ACSM2B: variants seen among roughly 807,000 people sequenced by gnomAD.
The protein encoded by ACSM2B is acyl-CoA synthetase medium chain family member 2B.
ACSM2B carries 58 observed loss-of-function variants against 78.6 expected under a neutral mutation model. The ratio of observed to expected loss-of-function variants is 0.74; its 90% CI spans 0.60 to 0.92. The LOEUF (loss-of-function observed/expected upper bound fraction) is 0.92. Among genes scored for constraint, ACSM2B ranks in the 40% least tolerant of loss-of-function variants. The probability of loss-of-function intolerance (pLI) is 0.00; values close to 1 mark genes in which losing one functional copy is unlikely to be tolerated. For missense variants in ACSM2B, 688 were observed against 711.2 expected (o/e 0.97, Z 0.37); for synonymous variants, 257 against 256.8 (o/e 1.00, Z -0.01).
At chr16:20,571,425 C>A (rs917884071) in intron 1 of ACSM2B, among the ~76,000 whole-genome samples, 33 of 151,916 alleles carry the variant, frequency 2.2e-4, no homozygotes, top group African/African-American at 7.5e-4. Context: ...CCAAGGTGGT[C>A]TGAGAGAGTA....
At chr16:20,566,645 C>CTATATATAGTATATA (rs375962180) in intron 1 of ACSM2B, among the ~76,000 whole-genome samples, 2 of 11,604 alleles carry the variant, frequency 1.7e-4, no homozygotes, top group African/African-American at 6.9e-4. Context: ...TATATATATA[C>CTATATATAGTATATA]TATACTATAT....
chr16:20,544,074 G>A (rs1349897719), intron 10 of ACSM2B, among the ~76,000 whole-genome samples: 3 of 152,172 alleles, frequency 2.0e-5, no homozygotes. Context: ...CCCCACAGAC[G>A]CTTCTGAGTC....
At chr16:20,556,803 C>G (rs993489186) in intron 3 of ACSM2B, among the ~76,000 whole-genome samples, 1 of 152,086 alleles carries the variant, frequency 6.6e-6, no homozygotes, top group Non-Finnish European at 1.5e-5. Context: ...GAGACAGACA[C>G]AGAACAGTAG....
chr16:20,571,505 G>C (rs1171767612), intron 1 of ACSM2B, among the ~76,000 whole-genome samples: 2 of 150,982 alleles, frequency 1.3e-5, no homozygotes, highest in Non-Finnish European at 3.0e-5. Context: ...GTCTATCTTG[G>C]AGAAAGTTCC....
At chr16:20,552,973 T>C (rs1349086657) in intron 5 of ACSM2B, among the ~76,000 whole-genome samples, 1 of 152,122 alleles carries the variant, frequency 6.6e-6, no homozygotes, top group Non-Finnish European at 1.5e-5. Context: ...CTGCAAAAAA[T>C]GAGACCACTA....
chr16:20,551,465 T>A (rs550245836), intron 6 of ACSM2B, among the ~76,000 whole-genome samples: 1 of 152,046 alleles, frequency 6.6e-6, no homozygotes, highest in South Asian at 2.1e-4. Context: ...CTCAACCATG[T>A]GAGAATATAG....
At chr16:20,567,796 T>C (rs2015971643) in intron 1 of ACSM2B, among the ~76,000 whole-genome samples, 1 of 140,754 alleles carries the variant, frequency 7.1e-6, no homozygotes, top group Admixed American at 7.7e-5. Flanking sequence ...ATATATATGA[T>C]ATATAATAGT....
At position 20,552,193 on chromosome 16, in the gene ACSM2B, C is replaced by T; in HGVS notation, c.845G>A (p.Cys282Tyr). Residue 282 changes from cysteine to tyrosine, a missense_variant, in exon 6 of 14, where the codon TGC becomes TAC. By Grantham distance (194) the Cys-to-Tyr change is radical. Transcript: ENST00000329697. The part of the protein sequence containing the change: ...SLLESWTLGA[C>Y]TFVHLLPKFD... Reference sequence around the variant, plus strand: ...CTTTGGCAAGAGATGAACAAATGTGCATGCTCCTAATGTCCAAGATTCCAA... The same window carrying T: ...CTTTGGCAAGAGATGAACAAATGTGTATGCTCCTAATGTCCAAGATTCCAA... 1 of 1,613,818 alleles carries T rather than the reference C, an allele frequency of 6.2e-7. No homozygotes were observed. Among genetic ancestry groups the T allele is most frequent in the Non-Finnish European group, 8.5e-7 (1 of 1,179,808 alleles).
At chr16:20,566,761 A>ATATATAC (rs1420208311) in intron 1 of ACSM2B, among the ~76,000 whole-genome samples, 6 of 88,226 alleles carry the variant, frequency 6.8e-5, no homozygotes, top group African/African-American at 2.9e-4. Context: ...TATATATAGT[A>ATATATAC]TATATAGATA....
At chr16:20,571,076 G>T (rs866468464) in intron 1 of ACSM2B, among the ~76,000 whole-genome samples, 1 of 151,468 alleles carries the variant, frequency 6.6e-6, no homozygotes, top group East Asian at 1.9e-4. Flanking sequence ...ATTTAGTTCT[G>T]CTCTGATCTT....
chr16:20,550,054 G>A (rs2015259823), intron 6 of ACSM2B, among the ~76,000 whole-genome samples: 1 of 152,068 alleles, frequency 6.6e-6, no homozygotes, highest in Non-Finnish European at 1.5e-5. Context: ...AAGGTATAAT[G>A]AGGCATGTCC....
intron 1 of ACSM2B, among the ~76,000 whole-genome samples, chr16:20,571,363 T>A (rs548658386): frequency 5.3e-5 from 8 of 151,184 alleles, no homozygotes; most frequent in African/African-American, 1.7e-4. Flanking sequence ...TTAATTTCCA[T>A]GTATTCATGT....
chr16:20,553,347 G>A lies in ACSM2B; in HGVS notation c.740+430C>T, dbSNP rs544600671. 5.9e-5 allele frequency among the ~76,000 whole-genome samples: 9 copies of A among 152,270 alleles called. No homozygotes were observed. In the South Asian group the frequency reaches 1.9e-3, roughly 32 times the overall value. On this transcript the variant is annotated intron_variant, in intron 5 of 13. Transcript: ENST00000329697. ...ATGGGGTCTGTGATCCAGAAATCCT[G>A]AGATCTTTGTTCACAAATTTATCCA...
chr16:20,570,492 T>C (rs992948785), intron 1 of ACSM2B, among the ~76,000 whole-genome samples: 15 of 152,042 alleles, frequency 9.9e-5, no homozygotes, highest in African/African-American at 3.4e-4. Flanking sequence ...TTTGCATCTA[T>C]GTTCATCAAG....
intron 6 of ACSM2B, among the ~76,000 whole-genome samples, chr16:20,551,852 A>G (rs146543701): frequency 6.6e-6 from 1 of 152,334 alleles, no homozygotes; most frequent in African/African-American, 2.4e-5. Flanking sequence ...ACCAGCATCT[A>G]TCTGATAGGT....
At chr16:20,551,820 T>G (rs1334122343) in intron 6 of ACSM2B, among the ~76,000 whole-genome samples, 1 of 152,084 alleles carries the variant, frequency 6.6e-6, no homozygotes, top group Non-Finnish European at 1.5e-5. Flanking sequence ...AATACTCCAG[T>G]TTTCCCTTTT....
At chr16:20,575,289 T>C (rs1238952198) in intron 1 of ACSM2B, 1 of 151,852 alleles carries the variant, frequency 6.6e-6, no homozygotes, top group Non-Finnish European at 1.5e-5. Flanking sequence ...TATAAACTCA[T>C]ATGTATAAGT....
Position 20,552,272 on chromosome 16 carries a change from T to C in ACSM2B, c.766A>G (p.Ile256Val). ...AGWTGLQASDIMWTISDTGWI... is the reference protein window; with the variant it reads ...AGWTGLQASDVMWTISDTGWI... ...CCTGTGTCTGATATGGTCCACATTA[T>C]ATCAGAGGCTTGCAGGCCTGTCCAA... The change falls in exon 6 of 14, where the codon ATA becomes GTA. Residue 256 changes from isoleucine (I) to valine (V), a missense_variant. Ile to Val is a conservative substitution (Grantham distance 29). Transcript: ENST00000329697. The C allele has an allele frequency of 6.2e-7, 1 of 1,613,036 alleles. No individual in the cohort carries two copies. The highest frequency in any genetic ancestry group is 1.3e-5 in the African/African-American group (1 of 74,964).
At chr16:20,564,087 T>C (rs894110421) in intron 2 of ACSM2B, among the ~76,000 whole-genome samples, 1 of 151,924 alleles carries the variant, frequency 6.6e-6, no homozygotes, top group Non-Finnish European at 1.5e-5. Flanking sequence ...GAAGACTCAG[T>C]CTTTGTTCAG....
Sources: allele counts gnomAD v4.1 joint callset (sites outside exome capture counted in the v4.1 genomes callset), GRCh38; gene constraint gnomAD v4.1.1; transcripts MANE v1.5; gene names NCBI Gene and HGNC (gene_info 2026-07-23, HGNC 2026-07-21).